Variants in UTRN observed in about 807,000 individuals in gnomAD.
UTRN encodes dystrophin-related protein 1.
Under a neutral mutation model 463.9 loss-of-function variants are expected in UTRN, and 283 were observed. The observed-to-expected ratio is 0.61, with a 90% confidence interval of 0.55 to 0.67. UTRN has a LOEUF of 0.67. Among genes scored for constraint, UTRN ranks in the 30% least tolerant of loss-of-function variants. The pLI is 0.00. For missense variants in UTRN, 3,922 were observed against 4,084.3 expected (o/e 0.96, Z 1.08); for synonymous variants, 1,442 against 1,431.5 (o/e 1.01, Z -0.17).
At chr6:144,335,545 C>T (rs1460582407) in intron 2 of UTRN, among the ~76,000 whole-genome samples, 1 of 152,138 alleles carries the variant, frequency 6.6e-6, no homozygotes, top group Non-Finnish European at 1.5e-5. Context: ...TATGGCAGGT[C>T]CCTCAACTCT....
At chr6:144,456,687 AATAATAAT>A (rs1788861593) in intron 19 of UTRN, among the ~76,000 whole-genome samples, 4 of 147,360 alleles carry the variant, frequency 2.7e-5, no homozygotes, top group South Asian at 4.2e-4. Context: ...TAATAATAAT[AATAATAAT>A]AAATAAAATA....
Position 144,381,761 on chromosome 6 carries a change from G to A in UTRN, c.80-21362G>A, listed in dbSNP as rs142703644. 4.5e-3 allele frequency among the ~76,000 whole-genome samples: 682 copies of A among 152,286 alleles called. 9 individuals carry two copies. Among genetic ancestry groups the A allele is most frequent in the East Asian group, 0.034 (174 of 5,180 alleles). On this transcript the variant is annotated intron_variant, in intron 2 of 74. Coordinates refer to ENST00000367545, the MANE Select transcript of UTRN (RefSeq NM_007124.3). ...CCTTGCCTTCCACCATGATTGTGAG[G>A]CTTCCCCAGCCACATGGAACTGTAA...
At chr6:144,431,986 TA>T (rs1400131433) in intron 9 of UTRN, among the ~76,000 whole-genome samples, 7 of 152,216 alleles carry the variant, frequency 4.6e-5, no homozygotes, top group African/African-American at 1.4e-4. Context: ...ATTTTTATTT[TA>T]TTTTTTTAGT....
At chr6:144,324,311 G>A (rs556109227) in intron 2 of UTRN, among the ~76,000 whole-genome samples, 1 of 152,232 alleles carries the variant, frequency 6.6e-6, no homozygotes, top group Admixed American at 6.5e-5. Context: ...TCCCCAAAAA[G>A]CAACTGTAAT....
intron 26 of UTRN, 37 bp downstream of exon 26, chr6:144,480,019 C>A: frequency 4.4e-6 from 7 of 1,588,232 alleles, no homozygotes; most frequent in Non-Finnish European, 6.0e-6. Flanking sequence ...AGGCTTCATG[C>A]CTCCCTCCTC....
intron 61 of UTRN, among the ~76,000 whole-genome samples, chr6:144,787,714 C>T (rs1186693441): frequency 6.6e-6 from 1 of 152,056 alleles, no homozygotes; most frequent in African/African-American, 2.4e-5. Context: ...AAGAAGACTG[C>T]TTAAAATTAA....
intron 51 of UTRN, among the ~76,000 whole-genome samples, chr6:144,617,819 G>C (rs746108883): frequency 6.6e-6 from 1 of 152,134 alleles, no homozygotes; most frequent in Non-Finnish European, 1.5e-5. Context: ...TTCTACCGGG[G>C]AGTATGCTTG....
chr6:144,332,600 A>G (rs1203311171), intron 2 of UTRN, among the ~76,000 whole-genome samples: 3 of 152,162 alleles, frequency 2.0e-5, no homozygotes, highest in Non-Finnish European at 4.4e-5. Flanking sequence ...TTTAAATTGA[A>G]TATATAGGGA....
chr6:144,793,078 C>T (rs1020046564), intron 62 of UTRN, among the ~76,000 whole-genome samples: 2 of 151,818 alleles, frequency 1.3e-5, no homozygotes, highest in Non-Finnish European at 2.9e-5. Context: ...GAGACTGGCC[C>T]AAAGGAGAAA....
chr6:144,711,053 C>T (rs1785634648), intron 53 of UTRN, among the ~76,000 whole-genome samples: 2 of 152,178 alleles, frequency 1.3e-5, no homozygotes, highest in South Asian at 4.1e-4. Context: ...CACTGTGGCT[C>T]ATACCTGTAA....
At chr6:144,385,341 A>G (rs1781317061) in intron 2 of UTRN, among the ~76,000 whole-genome samples, 1 of 152,138 alleles carries the variant, frequency 6.6e-6, no homozygotes, top group African/African-American at 2.4e-5. Context: ...AGTGAAGGAA[A>G]CCCAAGTCCC....
At chr6:144,341,140 A>G (rs1383535393) in intron 2 of UTRN, among the ~76,000 whole-genome samples, 1 of 152,228 alleles carries the variant, frequency 6.6e-6, no homozygotes, top group Admixed American at 6.5e-5. Flanking sequence ...AGTCAGCTCC[A>G]CGGCAAGAAA....
Position 144,459,306 on chromosome 6 carries a change from C to G in UTRN, c.2659C>G (p.Gln887Glu). ...RGFDSFLGRY[Q>E]AVQEAVEDRQ... ...CTTCGATAGCTTTCTGGGCCGCTAC[C>G]AAGCTGTACAAGAGGCTGTAGAGGA... The change falls in exon 21 of 75, where the codon CAA becomes GAA. Residue 887 changes from glutamine to glutamate, a missense_variant. By Grantham distance (29) the Gln-to-Glu change is conservative (BLOSUM62 2). This residue lies in a region of UTRN where 2,349 missense variants were observed against 2,303.8 expected (regional missense o/e 1.02). Transcript: ENST00000367545. The G allele has an allele frequency of 1.9e-6, 3 of 1,614,026 alleles. No homozygotes were observed. The highest frequency in any genetic ancestry group is 2.5e-6 in the Non-Finnish European group (3 of 1,179,966).
At chr6:144,751,656 C>T in intron 55 of UTRN, 150 bp from the exon 56 acceptor site, 2 of 630,580 alleles carry the variant, frequency 3.2e-6, no homozygotes, top group South Asian at 3.5e-5. Context: ...TGAAAAAAAT[C>T]TGTGCATAAA....
In UTRN at chr6:144,590,439, T is replaced by C. The variant is rs1204419053; in HGVS notation, c.7479+13151T>C. On this transcript the variant is annotated intron_variant, in intron 51 of 74. Coordinates refer to ENST00000367545, the MANE Select transcript of UTRN (RefSeq NM_007124.3). ...GTTCTCCATACCCACATGTAGTTTTTTATCATTATATTTAAAAGGACATAA... is the reference window on the plus strand; with the variant it reads ...GTTCTCCATACCCACATGTAGTTTTCTATCATTATATTTAAAAGGACATAA... Among the ~76,000 whole-genome samples the C allele has an allele frequency of 2.0e-5, 3 of 152,156 alleles. No homozygotes were observed. The East Asian group carries it at 5.8e-4, about 29-fold the overall frequency.
intron 34 of UTRN, among the ~76,000 whole-genome samples, chr6:144,502,566 G>A (rs1470936490): frequency 6.6e-6 from 1 of 151,906 alleles, no homozygotes; most frequent in Non-Finnish European, 1.5e-5. Flanking sequence ...AACTTCATCC[G>A]GGTCCCTGCA....
At chr6:144,302,509 C>CAAAAA (rs57789741) in intron 2 of UTRN, among the ~76,000 whole-genome samples, 6 of 139,204 alleles carry the variant, frequency 4.3e-5, no homozygotes, top group Non-Finnish European at 9.1e-5. Flanking sequence ...GACTCTGTCT[C>CAAAAA]AAAAAAAAAG....
At chr6:144,414,843 G>A (rs1019711286) in intron 3 of UTRN, among the ~76,000 whole-genome samples, 4 of 151,932 alleles carry the variant, frequency 2.6e-5, no homozygotes, top group South Asian at 2.1e-4. Flanking sequence ...AGCCTCCTGC[G>A]TAGCTGGGAT....
intron 54 of UTRN, among the ~76,000 whole-genome samples, chr6:144,735,822 A>G (rs901058312): frequency 2.6e-5 from 4 of 152,066 alleles, no homozygotes; most frequent in Non-Finnish European, 4.4e-5. Flanking sequence ...AGTTTCATGA[A>G]CATTCTAGTC....
Sources: gnomAD v4.1 joint callset for allele counts (sites outside exome capture counted in the v4.1 genomes callset) on GRCh38, gnomAD v4.1.1 for gene constraint, gnomAD v4.1.1 regional missense constraint, MANE v1.5 for transcripts, NCBI Gene and HGNC (gene_info 2026-07-23, HGNC 2026-07-21) for gene names.